The following MME variants were observed in gnomAD, a reference collection of about 807,000 sequenced individuals.
MME encodes neprilysin.
A neutral mutation model predicts 113.2 loss-of-function variants in MME; 98 were observed. The observed-to-expected ratio is 0.87, with a 90% CI of 0.74 to 1.02. The LOEUF is 1.02. Among genes scored for constraint, MME ranks in the 50% least tolerant of loss-of-function variants. The probability of loss-of-function intolerance (pLI) is 0.00; values close to 1 mark genes in which losing one functional copy is unlikely to be tolerated. For synonymous variants in MME, 292 were observed against 300.6 expected (o/e 0.97, Z 0.30); for missense variants, 836 against 896.0 (o/e 0.93, Z 0.86).
At chr3:155,044,290 A>C (rs1414830646) in intron 1 of MME, among the ~76,000 whole-genome samples, 1 of 149,982 alleles carries the variant, frequency 6.7e-6, no homozygotes, top group African/African-American at 2.4e-5. Context: ...ACGCCAGGAC[A>C]CCTGGCTAAT....
Position 155,115,821 on chromosome 3 carries a change from A to G in MME, c.359-658A>G, listed in dbSNP as rs1222474177. Among the ~76,000 whole-genome samples, 3 of 152,214 alleles carry G rather than the reference A, an allele frequency of 2.0e-5. No homozygotes were observed. The East Asian group carries it at 5.8e-4, about 29-fold the overall frequency. ...AGTCTCCCTACCCAAACCCTGTGTT[A>G]AAGTTACTGTAAGATGTTACTAAGA... On this transcript the variant is annotated intron_variant, in intron 4 of 22. Transcript: ENST00000360490.
At chr3:155,055,186 C>T (rs535926102) in intron 1 of MME, among the ~76,000 whole-genome samples, 13 of 152,078 alleles carry the variant, frequency 8.5e-5, no homozygotes, top group East Asian at 7.7e-4. Flanking sequence ...GGAAAAAAAA[C>T]GATTATATGC....
At chr3:155,169,130 A>G (rs1417911777) in intron 20 of MME, among the ~76,000 whole-genome samples, 1 of 152,206 alleles carries the variant, frequency 6.6e-6, no homozygotes, top group Non-Finnish European at 1.5e-5. Flanking sequence ...TTTAGAAGAA[A>G]TGTCCCATAA....
intron 3 of MME, among the ~76,000 whole-genome samples, chr3:155,113,380 A>G (rs887923907): frequency 3.9e-5 from 6 of 152,148 alleles, no homozygotes; most frequent in Non-Finnish European, 8.8e-5. Flanking sequence ...CCCGAGTTCA[A>G]GCTATTCTCC....
chr3:155,175,017 C>A (rs1304419463), intron 22 of MME, among the ~76,000 whole-genome samples: 1 of 151,880 alleles, frequency 6.6e-6, no homozygotes, highest in Admixed American at 6.6e-5. Flanking sequence ...TAAAGTTTGT[C>A]TCTTTTAAGT....
intron 8 of MME, among the ~76,000 whole-genome samples, chr3:155,126,728 A>G (rs1719690902): frequency 6.6e-6 from 1 of 152,028 alleles, no homozygotes; most frequent in South Asian, 2.1e-4. Context: ...GGCTGGGCGC[A>G]GTGGCTCATG....
At chr3:155,140,498 C>T (rs932523981) in intron 10 of MME, among the ~76,000 whole-genome samples, 6 of 140,040 alleles carry the variant, frequency 4.3e-5, no homozygotes, top group Admixed American at 7.8e-5. Flanking sequence ...CTCACTGTAA[C>T]GTCCACCTCC....
chr3:155,043,578 C>T lies in MME; in HGVS notation c.-11+19254C>T, dbSNP rs975593563. On this transcript the variant is annotated intron_variant, in intron 1 of 22. Transcript: ENST00000492661. ...AACTCCCAACCTCAGGTGATCCACC[C>T]GCCTTGGCCTCACGAAGTGCTGGGA... is the stretch of plus-strand genomic sequence containing the variant. 3.9e-5 allele frequency among the ~76,000 whole-genome samples: 6 copies of T among 152,042 alleles called. No individual in the cohort carries two copies. In the East Asian group the frequency reaches 5.8e-4, roughly 15 times the overall value.
chr3:155,115,178 C>A, intron 4 of MME, 23 bp downstream of exon 4: 5 of 1,612,212 alleles, frequency 3.1e-6, no homozygotes, highest in Non-Finnish European at 3.4e-6. Flanking sequence ...TGTGTCTGTG[C>A]ATCAAAGATT....
Position 155,120,182 on chromosome 3 carries a change from T to C in MME, c.720+1371T>C, listed in dbSNP as rs1164573467. Among the ~76,000 whole-genome samples, 8 of 52,346 alleles carry C rather than the reference T, an allele frequency of 1.5e-4. 1 individual carries two copies. The highest frequency in any genetic ancestry group is 5.1e-4 in the Admixed American group (2 of 3,938). The allele number at this position is 52,346 out of a possible 152,430, so 34.3% of individuals were successfully genotyped here. A position where few individuals can be genotyped will look rare whatever the true frequency, so the allele number is the denominator to read the frequency against. ...GATGGCCAGTGATGATGAGCATTTT[T>C]TCATGTGTTTTTTGGCTGCATAAAT... On this transcript the variant is annotated intron_variant, in intron 8 of 22. Coordinates refer to ENST00000360490, the MANE Select transcript of MME (RefSeq NM_007289.4).
intron 1 of MME, among the ~76,000 whole-genome samples, chr3:155,059,288 A>C (rs868089061): frequency 2.7e-5 from 4 of 149,910 alleles, no homozygotes; most frequent in Middle Eastern, 3.4e-3. Flanking sequence ...AAAAGGAAGG[A>C]TCACTTTTAA....
rs187112358 is a variant in MME at position 155,151,703 on chromosome 3, T to A, written c.1601+3050T>A. On this transcript the variant is annotated intron_variant, in intron 16 of 22. Coordinates refer to ENST00000360490, the MANE Select transcript of MME (RefSeq NM_007289.4). ...AGAAACCAAGGACTCATTTTAATCA[T>A]CCTAGACTTATCCCTTTCTGTTATT... 3.9e-5 allele frequency among the ~76,000 whole-genome samples: 6 copies of A among 152,284 alleles called. No individual in the cohort carries two copies. In the East Asian group the frequency reaches 1.2e-3, roughly 29 times the overall value.
At chr3:155,109,731 G>A (rs1377956971) in intron 3 of MME, among the ~76,000 whole-genome samples, 1 of 152,164 alleles carries the variant, frequency 6.6e-6, no homozygotes. Flanking sequence ...GAATTGATCA[G>A]GAGTAGAATT....
chr3:155,116,966 T>A lies in MME; in HGVS notation c.634T>A (p.Ser212Thr). The A allele has an allele frequency of 6.3e-7, 1 of 1,580,046 alleles. No homozygotes were observed. The highest frequency in any genetic ancestry group is 8.7e-7 in the Non-Finnish European group (1 of 1,149,634). The change falls in exon 7 of 23, where the codon TCT becomes ACT. Residue 212 changes from serine (S) to threonine (T), a missense_variant. Transcript: ENST00000360490. ...GTTTGTTGGCACTGATGATAAGAAT[T>A]CTGTGAATCATGTAATTCATGTAAG... ...NLFVGTDDKN[S>T]VNHVIHIDQP... is the part of the protein sequence containing the mutation.
At chr3:155,112,008 T>G (rs958542344) in intron 3 of MME, among the ~76,000 whole-genome samples, 6 of 148,688 alleles carry the variant, frequency 4.0e-5, no homozygotes, top group African/African-American at 1.5e-4. Context: ...ACCATATTTT[T>G]ATTTCCTTCA....
intron 22 of MME, among the ~76,000 whole-genome samples, chr3:155,179,297 G>C (rs989396364): frequency 1.3e-5 from 2 of 152,156 alleles, no homozygotes; most frequent in African/African-American, 2.4e-5. Flanking sequence ...GAGGAGACTG[G>C]AGCCATCAGG....
intron 8 of MME, among the ~76,000 whole-genome samples, chr3:155,125,312 C>G (rs1378314312): frequency 1.2e-5 from 1 of 80,916 alleles, no homozygotes; most frequent in Non-Finnish European, 3.1e-5. Context: ...CCTGCGCCCA[C>G]TGTCTGGGAC....
At chr3:155,138,662 C>G (rs935034138) in intron 9 of MME, among the ~76,000 whole-genome samples, 1 of 152,122 alleles carries the variant, frequency 6.6e-6, no homozygotes, top group Admixed American at 6.5e-5. Context: ...GAAGTATTAA[C>G]CCCTGAACAT....
chr3:155,156,259 T>C (rs1304974596), intron 16 of MME, among the ~76,000 whole-genome samples: 2 of 152,166 alleles, frequency 1.3e-5, no homozygotes, highest in Non-Finnish European at 2.9e-5. Context: ...AATCTGGTGA[T>C]AATGACTTCA....
Sources: gnomAD v4.1 joint callset for allele counts (sites outside exome capture counted in the v4.1 genomes callset) on GRCh38, gnomAD v4.1.1 for gene constraint, MANE v1.5 for transcripts, NCBI Gene and HGNC (gene_info 2026-07-23, HGNC 2026-07-21) for gene names.